Variants in FOXO1 observed in about 807,000 individuals in gnomAD.
FOXO1 encodes forkhead box protein O1.
A neutral mutation model predicts 44.1 loss-of-function variants in FOXO1; 6 were observed. The observed-to-expected ratio is 0.14, with a 90% CI of 0.07 to 0.27. The LOEUF (loss-of-function observed/expected upper bound fraction) is 0.27. FOXO1 is among the 10% of genes least tolerant of loss of function. The pLI, the probability that FOXO1 is intolerant of heterozygous loss-of-function variation, is 1.00. For missense variants in FOXO1, 737 were observed against 888.8 expected (o/e 0.83, Z 2.17); for synonymous variants, 380 against 362.7 (o/e 1.05, Z -0.54).
At chr13:40,604,193 AAAG>A (rs1242808564) in intron 1 of FOXO1, among the ~76,000 whole-genome samples, 4 of 152,148 alleles carry the variant, frequency 2.6e-5, no homozygotes, top group African/African-American at 7.2e-5. Context: ...GAAAAAAAAA[AAAG>A]AAGACAAGAC....
intron 1 of FOXO1, among the ~76,000 whole-genome samples, chr13:40,625,376 T>C (rs1429160803): frequency 6.6e-6 from 1 of 152,228 alleles, no homozygotes; most frequent in Non-Finnish European, 1.5e-5. Context: ...AACAATTTTA[T>C]ACTGCTTGTG....
At chr13:40,643,727 G>A (rs115136897) in intron 1 of FOXO1, among the ~76,000 whole-genome samples, 1,613 of 151,564 alleles carry the variant, frequency 0.011, 31 homozygotes, top group African/African-American at 0.038. Context: ...CCTAATGTCC[G>A]TAATTTAAAA....
At chr13:40,622,678 C>G (rs1876655881) in intron 1 of FOXO1, among the ~76,000 whole-genome samples, 1 of 152,194 alleles carries the variant, frequency 6.6e-6, no homozygotes, top group Admixed American at 6.5e-5. Context: ...TAATGACTTG[C>G]TTCAGGCTTG....
In FOXO1 at chr13:40,604,226, T is replaced by C. The variant is rs577896381; in HGVS notation, c.631-43366A>G. On this transcript the variant is annotated intron_variant, in intron 1 of 2. Transcript: ENST00000379561. ...CAAGACATGCCACCTAGAAGCACTA[T>C]TAACACTTTAAATGTGTGTCACTTG... Among the ~76,000 whole-genome samples, 8 of 152,138 alleles carry C rather than the reference T, an allele frequency of 5.3e-5. No individual in the cohort carries two copies. The East Asian group carries it at 1.5e-3, about 29-fold the overall frequency.
chr13:40,630,540 A>G (rs546000395), intron 1 of FOXO1, among the ~76,000 whole-genome samples: 2 of 152,110 alleles, frequency 1.3e-5, no homozygotes, highest in South Asian at 4.1e-4. Context: ...CTGTAATCCC[A>G]GCTACTCGGA....
At chr13:40,576,819 T>C (rs1210859684) in intron 1 of FOXO1, among the ~76,000 whole-genome samples, 2 of 152,246 alleles carry the variant, frequency 1.3e-5, no homozygotes, top group African/African-American at 2.4e-5. Context: ...TCTCCCTCCA[T>C]GAAGCTGACT....
Position 40,560,896 on chromosome 13 carries a change from T to G in FOXO1, c.631-36A>C. 1 of 1,546,556 alleles carries G rather than the reference T, an allele frequency of 6.5e-7. No individual in the cohort carries two copies. The highest frequency in any genetic ancestry group is 1.7e-4 in the Middle Eastern group (1 of 5,760). On this transcript the variant is annotated intron_variant, in intron 1 of 2. Transcript: ENST00000379561. The surrounding 1 kb of genome is among the most constrained non-coding windows in gnomAD (Gnocchi z 5.1). ...AAACATCTTATTAGAAGTACAATAC[T>G]TCTCTGCTTGCAAAACTTCCTATTC...
At chr13:40,658,219 G>A (rs1877917909) in intron 1 of FOXO1, among the ~76,000 whole-genome samples, 1 of 152,148 alleles carries the variant, frequency 6.6e-6, no homozygotes, top group African/African-American at 2.4e-5. Context: ...CTAAGCTCTG[G>A]GGACAGGAGC....
At chr13:40,626,622 T>G (rs1876793560) in intron 1 of FOXO1, among the ~76,000 whole-genome samples, 1 of 152,234 alleles carries the variant, frequency 6.6e-6, no homozygotes, top group African/African-American at 2.4e-5. Context: ...CATAACAAAG[T>G]TGGTAAGTTC....
At chr13:40,575,254 T>C (rs1348476307) in intron 1 of FOXO1, among the ~76,000 whole-genome samples, 7 of 151,868 alleles carry the variant, frequency 4.6e-5, no homozygotes, top group African/African-American at 1.7e-4. Flanking sequence ...GGCAGGAGGA[T>C]AGCTTGAGCC....
At chr13:40,574,129 C>T (rs1284746539) in intron 1 of FOXO1, among the ~76,000 whole-genome samples, 1 of 152,168 alleles carries the variant, frequency 6.6e-6, no homozygotes, top group Admixed American at 6.5e-5. Flanking sequence ...TTCAAGGATA[C>T]TCTGCACATG....
At position 40,663,749 on chromosome 13, in the gene FOXO1, T is replaced by C. The variant is rs368346999; in HGVS notation, c.630+1834A>G. 3.1e-4 allele frequency among the ~76,000 whole-genome samples: 47 copies of C among 152,384 alleles called. No homozygotes were observed. The South Asian group carries it at 5.4e-3, about 17-fold the overall frequency. ...CATGTAATGCCTGGTAATGAAGCGA[T>C]AAGTGATACCTTTACTCTAAAACAC... On this transcript the variant is annotated intron_variant, in intron 1 of 2. Transcript: ENST00000379561.
intron 1 of FOXO1, among the ~76,000 whole-genome samples, chr13:40,613,167 G>A (rs1242044542): frequency 6.6e-6 from 1 of 152,092 alleles, no homozygotes; most frequent in East Asian, 1.9e-4. Flanking sequence ...ATTATCACTT[G>A]GTCAATAAGA....
At chr13:40,657,420 T>C (rs1877894642) in intron 1 of FOXO1, among the ~76,000 whole-genome samples, 1 of 143,596 alleles carries the variant, frequency 7.0e-6, no homozygotes, top group Admixed American at 7.3e-5. Flanking sequence ...TCCAACCCCC[T>C]GCCCCAAGTT....
Position 40,666,198 on chromosome 13 carries a change from A to G in FOXO1, c.15T>C (p.Pro5=). The change falls in exon 1 of 3, where the codon CCT becomes CCC. Residue 5 remains proline, a synonymous_variant. Transcript: ENST00000379561. The part of the protein sequence containing the change: MAEA[P]QVVEIDPDFE... ...AGTCCGGGTCGATCTCCACCACCTG[A>G]GGCGCCTCGGCCATGGTGACCCCCG... 1 of 1,442,112 alleles carries G rather than the reference A, an allele frequency of 6.9e-7. No individual in the cohort carries two copies. The highest frequency in any genetic ancestry group is 9.1e-7 in the Non-Finnish European group (1 of 1,099,312). The allele number at this position is 1,442,112 out of a possible 1,614,324, so 89.3% of individuals were successfully genotyped here.
chr13:40,627,496 G>A (rs4943797), intron 1 of FOXO1, among the ~76,000 whole-genome samples: 63,080 of 152,016 alleles, frequency 0.41, 14,392 homozygotes, highest in East Asian at 0.75. Flanking sequence ...ATTATTAGGA[G>A]ACTGACAAAA....
chr13:40,582,132 T>A (rs961399919), intron 1 of FOXO1, among the ~76,000 whole-genome samples: 1 of 152,144 alleles, frequency 6.6e-6, no homozygotes, highest in Non-Finnish European at 1.5e-5. Flanking sequence ...AAAGCAAATA[T>A]CACAATAAAG....
chr13:40,620,128 C>T (rs949167900), intron 1 of FOXO1: 3 of 1,301,098 alleles, frequency 2.3e-6, no homozygotes, highest in South Asian at 2.4e-5. Flanking sequence ...TGCATATACC[C>T]CATTCTCTAA....
intron 1 of FOXO1, among the ~76,000 whole-genome samples, chr13:40,654,495 T>A (rs2137937566): frequency 8.5e-6 from 1 of 117,106 alleles, no homozygotes; most frequent in South Asian, 3.2e-4. Flanking sequence ...AGCGAGACTC[T>A]GTCACAAAAA....
Sources: allele counts gnomAD v4.1 joint callset (sites outside exome capture counted in the v4.1 genomes callset), GRCh38; gene constraint gnomAD v4.1.1; non-coding constraint Gnocchi (gnomAD v3.1); transcripts MANE v1.5; gene names NCBI Gene and HGNC (gene_info 2026-07-23, HGNC 2026-07-21).